The following ADGRF5 variants were observed in gnomAD, a reference collection of about 807,000 sequenced individuals.
ADGRF5 encodes the protein G-protein coupled receptor 116.
ADGRF5 carries 75 observed loss-of-function variants against 132.3 expected under a neutral mutation model. The observed-to-expected ratio is 0.57, with a 90% CI of 0.47 to 0.69. ADGRF5 has a LOEUF of 0.69. ADGRF5 is among the 30% of genes least tolerant of loss of function. ADGRF5 has a pLI of 0.00. For missense variants in ADGRF5, 1,516 were observed against 1,630.6 expected, an observed-to-expected ratio of 0.93 and a Z score of 1.21; for synonymous variants, 629 against 597.6, an observed-to-expected ratio of 1.05 and a Z score of -0.77.
chr6:46,913,785 A>C (rs113838646), intron 1 of ADGRF5, among the ~76,000 whole-genome samples: 3 of 152,318 alleles, frequency 2.0e-5, no homozygotes, highest in African/African-American at 7.2e-5. Flanking sequence ...CTTAGCTTTC[A>C]CGTCCACGCA....
intron 1 of ADGRF5, among the ~76,000 whole-genome samples, chr6:46,950,418 C>T (rs1238565347): frequency 6.6e-6 from 1 of 152,174 alleles, no homozygotes; most frequent in Non-Finnish European, 1.5e-5. Flanking sequence ...TTAATTGTCC[C>T]CTGAATGATC....
At chr6:46,872,199 T>A (rs921487255) in intron 10 of ADGRF5, among the ~76,000 whole-genome samples, 186 bp from the exon 11 acceptor site, 4 of 152,158 alleles carry the variant, frequency 2.6e-5, no homozygotes, top group African/African-American at 9.7e-5. Flanking sequence ...TGGCTTCGGA[T>A]CCCAAACTCC....
At chr6:46,948,861 T>A (rs111486741) in intron 1 of ADGRF5, among the ~76,000 whole-genome samples, 322 of 152,276 alleles carry the variant, frequency 2.1e-3, no homozygotes, top group African/African-American at 7.2e-3. Flanking sequence ...CAGATTTTAC[T>A]CTAGGCGGGG....
intron 10 of ADGRF5, among the ~76,000 whole-genome samples, chr6:46,877,345 CTTT>C (rs1771908486): frequency 9.6e-5 from 2 of 20,886 alleles, no homozygotes; most frequent in South Asian, 2.4e-3. Flanking sequence ...TTCTTTCTTT[CTTT>C]CTTTCTTTCT....
chr6:46,936,902 T>A (rs1777856754), intron 1 of ADGRF5, among the ~76,000 whole-genome samples: 1 of 152,208 alleles, frequency 6.6e-6, no homozygotes. Context: ...GTTGTGTTCC[T>A]GCCCTCTAGC....
intron 4 of ADGRF5, among the ~76,000 whole-genome samples, chr6:46,885,921 A>T (rs866934986): frequency 6.6e-6 from 1 of 152,212 alleles, no homozygotes; most frequent in African/African-American, 2.4e-5. Flanking sequence ...CTCTCAGATA[A>T]TAACTGTTTG....
At chr6:46,902,525 C>T (rs865859996) in intron 2 of ADGRF5, among the ~76,000 whole-genome samples, 14 of 152,316 alleles carry the variant, frequency 9.2e-5, no homozygotes, top group African/African-American at 3.4e-4. Context: ...GATCATTGGT[C>T]TCCCCTGCCC....
chr6:46,944,598 T>C (rs971399126), intron 1 of ADGRF5, among the ~76,000 whole-genome samples: 1 of 152,208 alleles, frequency 6.6e-6, no homozygotes, highest in East Asian at 1.9e-4. Context: ...TGCTCATCTC[T>C]AGACCACACT....
intron 1 of ADGRF5, among the ~76,000 whole-genome samples, chr6:46,943,824 C>T (rs1355685043): frequency 6.6e-6 from 1 of 152,128 alleles, no homozygotes; most frequent in Non-Finnish European, 1.5e-5. Flanking sequence ...AAAGGTTAAA[C>T]ATACGATGGT....
chr6:46,911,172 C>T (rs1775915320), intron 1 of ADGRF5, among the ~76,000 whole-genome samples: 1 of 152,102 alleles, frequency 6.6e-6, no homozygotes, highest in African/African-American at 2.4e-5. Context: ...CACAACATTC[C>T]CTGTTCAATT....
intron 3 of ADGRF5, among the ~76,000 whole-genome samples, chr6:46,890,132 G>A (rs117803661): frequency 0.013 from 1,972 of 151,960 alleles, 75 homozygotes; most frequent in East Asian, 0.12. Flanking sequence ...TCTCTCTGTC[G>A]CCCAGGCTGG....
intron 1 of ADGRF5, among the ~76,000 whole-genome samples, chr6:46,909,581 C>T (rs910265306): frequency 1.3e-5 from 2 of 152,204 alleles, no homozygotes; most frequent in Non-Finnish European, 2.9e-5. Context: ...GATGAATGAT[C>T]TGGGTTCCCT....
At chr6:46,931,812 C>A (rs1010754622) in intron 1 of ADGRF5, among the ~76,000 whole-genome samples, 2 of 152,138 alleles carry the variant, frequency 1.3e-5, no homozygotes, top group African/African-American at 4.8e-5. Flanking sequence ...CCCAGCTACT[C>A]GGGAGGCTGA....
Position 46,884,200 on chromosome 6 carries a change from G to C in ADGRF5, c.400C>G (p.Leu134Val). The change falls in exon 5 of 21, where the codon CTT (leucine) becomes GTT (valine). Residue 134 changes from leucine to valine, a missense_variant. Leu to Val is a conservative substitution (Grantham distance 32). Coordinates refer to ENST00000283296, the MANE Select transcript of ADGRF5 (RefSeq NM_001098518.2). ...TGYGWPRERC[L>V]HNLICQERDV... is the part of the protein sequence containing the mutation. ...CGCTCTTGACAAATGAGATTGTGAA[G>C]ACACCTTTCCCGAGGCCACCCATAA... 6.2e-7 allele frequency: 1 copy of C among 1,614,028 alleles called. No homozygotes were observed. The highest frequency in any genetic ancestry group is 8.5e-7 in the Non-Finnish European group (1 of 1,179,896).
chr6:46,856,453 T>A (rs912456050), intron 19 of ADGRF5, among the ~76,000 whole-genome samples: 1 of 152,242 alleles, frequency 6.6e-6, no homozygotes, highest in African/African-American at 2.4e-5. Context: ...TATCATATAT[T>A]ATTTTAAAAC....
intron 3 of ADGRF5, among the ~76,000 whole-genome samples, chr6:46,898,007 C>T (rs1562210255): frequency 6.6e-6 from 1 of 152,118 alleles, no homozygotes; most frequent in Non-Finnish European, 1.5e-5. Flanking sequence ...TCTAGAGGCC[C>T]AAGAACACAG....
intron 11 of ADGRF5, among the ~76,000 whole-genome samples, chr6:46,871,591 A>C (rs1282442838): frequency 6.6e-6 from 1 of 152,158 alleles, no homozygotes; most frequent in African/African-American, 2.4e-5. Flanking sequence ...TACTCAGAGA[A>C]TGCCCCGGGG....
At chr6:46,910,767 A>G (rs1185420513) in intron 1 of ADGRF5, among the ~76,000 whole-genome samples, 1 of 152,196 alleles carries the variant, frequency 6.6e-6, no homozygotes, top group Non-Finnish European at 1.5e-5. Flanking sequence ...AGGCAACTGG[A>G]AAAAAACTTC....
chr6:46,889,395 T>G (rs1404551800), intron 3 of ADGRF5, among the ~76,000 whole-genome samples: 1 of 147,230 alleles, frequency 6.8e-6, no homozygotes, highest in East Asian at 2.0e-4. Context: ...TACATAGTCT[T>G]TGTATAGTAT....
Sources: allele counts gnomAD v4.1 joint callset (sites outside exome capture counted in the v4.1 genomes callset), GRCh38; gene constraint gnomAD v4.1.1; transcripts MANE v1.5; gene names NCBI Gene and HGNC (gene_info 2026-07-23, HGNC 2026-07-21).